Variants in SLC6A5 observed in about 807,000 individuals in gnomAD.
SLC6A5 encodes the protein solute carrier family 6 member 5, also known as sodium- and chloride-dependent glycine transporter 2.
In SLC6A5, 58 loss-of-function variants were observed where a neutral mutation model predicts 90.5. The observed-to-expected ratio is 0.64, with a 90% CI of 0.52 to 0.80. The LOEUF (loss-of-function observed/expected upper bound fraction) is 0.80, where lower values mean the gene tolerates loss of function less well. Ranked by LOEUF, SLC6A5 falls within the 30% of genes least tolerant of loss-of-function variation. The pLI, the probability that SLC6A5 is intolerant of heterozygous loss-of-function variation, is 0.00. For missense variants in SLC6A5, 1,015 were observed against 1,017.6 expected, an observed-to-expected ratio of 1.00 and a Z score of 0.03; for synonymous variants, 427 against 401.4, an observed-to-expected ratio of 1.06 and a Z score of -0.76.
intron 2 of SLC6A5, 134 bp downstream of exon 2, chr11:20,601,799 C>A: frequency 2.0e-6 from 2 of 976,996 alleles, no homozygotes; most frequent in South Asian, 3.0e-5. Flanking sequence ...ATGCGGGAGG[C>A]GGCTTTGGGG....
At chr11:20,621,989 G>A (rs889482355) in intron 7 of SLC6A5, among the ~76,000 whole-genome samples, 2 of 152,182 alleles carry the variant, frequency 1.3e-5, no homozygotes, top group African/African-American at 4.8e-5. Context: ...TAATTAGCTC[G>A]TACAGGCTGT....
chr11:20,639,255 CAAGA>C (rs1488137953), intron 13 of SLC6A5, among the ~76,000 whole-genome samples: 1 of 152,026 alleles, frequency 6.6e-6, no homozygotes, highest in African/African-American at 2.4e-5. Context: ...TCGGTGAGTT[CAAGA>C]AAGTCCTATT....
chr11:20,638,551 T>C lies in SLC6A5; in HGVS notation c.1962T>C (p.Tyr654=), dbSNP rs751120377. The change falls in exon 13 of 16, where the codon TAT becomes TAC. Residue 654 remains tyrosine (Y), a synonymous_variant. Coordinates refer to ENST00000525748, the MANE Select transcript of SLC6A5 (RefSeq NM_004211.5). ...TTTTTGAGCTCGTGGGGATCTCTTA[T>C]GTGTATGGTAAGGAAATCACTGTGC... The part of the protein sequence containing the change: ...IAIFELVGIS[Y]VYGLQRFCED... 2.4e-5 allele frequency: 39 copies of C among 1,595,646 alleles called. No homozygotes were observed. The highest frequency in any genetic ancestry group is 2.8e-5 in the Non-Finnish European group (33 of 1,163,376).
chr11:20,612,925 C>T (rs1852720059), intron 5 of SLC6A5, among the ~76,000 whole-genome samples: 1 of 152,164 alleles, frequency 6.6e-6, no homozygotes. Flanking sequence ...GCATCTTTTG[C>T]CACAACATCT....
rs1853671360 is a variant in SLC6A5, at chr11:20,659,138, G to T, written c.*4270G>T. 1 of 149,394 alleles carries T rather than the reference G, an allele frequency of 6.7e-6. No homozygotes were observed. Among genetic ancestry groups the T allele is most frequent in the South Asian group, 2.1e-4 (1 of 4,774 alleles). 9.3% of individuals were successfully genotyped at this position (149,394 alleles called of 1,614,324 possible). On this transcript the variant is annotated 3_prime_UTR_variant, in exon 16 of 16. Coordinates refer to ENST00000525748, the MANE Select transcript of SLC6A5 (RefSeq NM_004211.5). Reference sequence around the variant, plus strand: ...TATTCATTTAAGAAGTCATTCTTGAGGCCCTACCTCAAATTTTCTATTTAT... The same window carrying T: ...TATTCATTTAAGAAGTCATTCTTGATGCCCTACCTCAAATTTTCTATTTAT...
chr11:20,620,564 G>C (rs1590165253), intron 7 of SLC6A5, among the ~76,000 whole-genome samples: 1 of 152,208 alleles, frequency 6.6e-6, no homozygotes, highest in South Asian at 2.1e-4. Flanking sequence ...CAGTGGCTTT[G>C]TTGGGAGATT....
At chr11:20,618,932 T>C (rs4922795) in intron 7 of SLC6A5, among the ~76,000 whole-genome samples, 107,014 of 142,018 alleles carry the variant, frequency 0.75, 37,916 homozygotes, top group South Asian at 0.82. Flanking sequence ...CAGAGTGAGA[T>C]CCTGTCCCGC....
At chr11:20,628,214 A>G in intron 9 of SLC6A5, 131 bp downstream of exon 9, 1 of 782,962 alleles carries the variant, frequency 1.3e-6, no homozygotes, top group Admixed American at 2.0e-5. Context: ...CCTCTGGCCT[A>G]GGAGAAACCA....
rs540538937 is a variant in SLC6A5 at position 20,608,460 on chromosome 11, A to G, written c.985+808A>G. Among the ~76,000 whole-genome samples, 4 of 152,298 alleles carry G rather than the reference A, an allele frequency of 2.6e-5. No homozygotes were observed. The South Asian group carries it at 6.2e-4, about 24-fold the overall frequency. ...GTCTGGGTCAAGTAACTCTCTCTGG[A>G]TCTGTTTTCCTTCTCTAAAAAACAG... On this transcript the variant is annotated intron_variant, in intron 5 of 15. Transcript: ENST00000525748.
rs1035856557 is a variant in SLC6A5, at chr11:20,609,196, T to C, written c.985+1544T>C. On this transcript the variant is annotated intron_variant, in intron 5 of 15. Coordinates refer to ENST00000525748, the MANE Select transcript of SLC6A5 (RefSeq NM_004211.5). ...AAGCTCTGAGCACAAGGAGACAATG[T>C]ACATTTTTCACGCTGATTGTTTCCT... Among the ~76,000 whole-genome samples the C allele has an allele frequency of 1.3e-4, 20 of 152,140 alleles. 1 individual carries two copies. The highest frequency in any genetic ancestry group is 1.0e-3 in the Admixed American group (16 of 15,282).
At chr11:20,627,926 C>T (rs1853030455) in intron 8 of SLC6A5, 54 bp from the exon 9 acceptor site, 9 of 1,377,414 alleles carry the variant, frequency 6.5e-6, no homozygotes, top group Non-Finnish European at 9.3e-6. Context: ...ACTCCTCTCC[C>T]CTGGCGCCAG....
chr11:20,612,353 T>G (rs907593617), intron 5 of SLC6A5, among the ~76,000 whole-genome samples: 2 of 152,162 alleles, frequency 1.3e-5, no homozygotes, highest in Middle Eastern at 3.2e-3. Context: ...TAGTCCTTAC[T>G]GCAACCCTGA....
At chr11:20,630,055 C>CTATAGGA (rs1853079284) in intron 9 of SLC6A5, among the ~76,000 whole-genome samples, 3 of 152,132 alleles carry the variant, frequency 2.0e-5, no homozygotes, top group Non-Finnish European at 4.4e-5. Context: ...TCCTATAGTG[C>CTATAGGA]TATAGAATAC....
chr11:20,654,638 G>A, intron 15 of SLC6A5, 75 bp from the exon 16 acceptor site: 2 of 1,476,476 alleles, frequency 1.4e-6, no homozygotes, highest in Non-Finnish European at 1.9e-6. Flanking sequence ...AAGCAGTTTG[G>A]GGATGAGTGG....
intron 13 of SLC6A5, among the ~76,000 whole-genome samples, chr11:20,643,636 C>T (rs1853355602): frequency 6.6e-6 from 1 of 152,200 alleles, no homozygotes; most frequent in African/African-American, 2.4e-5. Flanking sequence ...ACCTTAACTC[C>T]CAGTCCAGTG....
intron 4 of SLC6A5, 45 bp from the exon 5 acceptor site, chr11:20,607,434 T>G: frequency 1.2e-6 from 2 of 1,610,226 alleles, no homozygotes; most frequent in East Asian, 2.2e-5. Flanking sequence ...AAGAATTCCA[T>G]AGCATTTAAG....
chr11:20,608,172 A>AGTAT, intron 5 of SLC6A5, among the ~76,000 whole-genome samples: 1 of 152,358 alleles, frequency 6.6e-6, no homozygotes, highest in East Asian at 1.9e-4. Context: ...TTCACAAGAT[A>AGTAT]CTGCTCAGTG....
intron 4 of SLC6A5, 129 bp from the exon 5 acceptor site, chr11:20,607,350 G>A: frequency 8.2e-7 from 1 of 1,213,150 alleles, no homozygotes; most frequent in South Asian, 1.2e-5. Flanking sequence ...TAGACATACA[G>A]TCCACTCTGC....
At chr11:20,645,926 C>T (rs1435926371) in intron 13 of SLC6A5, among the ~76,000 whole-genome samples, 2 of 152,124 alleles carry the variant, frequency 1.3e-5, no homozygotes, top group Non-Finnish European at 2.9e-5. Flanking sequence ...TGAGCCACCA[C>T]GCCCGGCCAG....
Sources: allele counts gnomAD v4.1 joint callset (sites outside exome capture counted in the v4.1 genomes callset), GRCh38; gene constraint gnomAD v4.1.1; transcripts MANE v1.5; gene names NCBI Gene and HGNC (gene_info 2026-07-23, HGNC 2026-07-21).